Variants in RGMB observed in about 807,000 individuals in gnomAD.
RGMB encodes the protein repulsive guidance molecule B.
Under a neutral mutation model 26.9 loss-of-function variants are expected in RGMB, and 16 were observed. The observed-to-expected ratio is 0.60, with a 90% confidence interval of 0.40 to 0.90. The LOEUF is 0.90. RGMB is among the 40% of genes least tolerant of loss of function. RGMB has a pLI of 0.00. For missense variants in RGMB, 512 were observed against 573.3 expected, an observed-to-expected ratio of 0.89 and a Z score of 1.09; for synonymous variants, 225 against 229.3, an observed-to-expected ratio of 0.98 and a Z score of 0.17.
At chr5:98,776,383 A>G (rs1452310727) in intron 1 of RGMB, among the ~76,000 whole-genome samples, 1 of 152,056 alleles carries the variant, frequency 6.6e-6, no homozygotes, top group Non-Finnish European at 1.5e-5. Flanking sequence ...TATTTTTTTT[A>G]AGCAAACCTC....
At position 98,793,208 on chromosome 5, in the gene RGMB, A is replaced by T. The variant is rs2112380893; in HGVS notation, c.769A>T (p.Ser257Cys). Residue 257 changes from serine (S) to cysteine (C), a missense_variant, in exon 3 of 3, where the codon AGC (serine) becomes TGC (cysteine). Ser to Cys is a moderately radical substitution (Grantham distance 112, BLOSUM62 -1). Coordinates refer to ENST00000513185, the MANE Select transcript of RGMB (RefSeq NM_001366508.1). ...TTSGGDSDAK[S>C]LRIVERESGH... ...CAGTGGTGGGGACAGCGATGCCAAG[A>T]GCCTGCGTATCGTGGAAAGGGAGAG... The T allele has an allele frequency of 6.2e-7, 1 of 1,614,036 alleles. No homozygotes were observed. The highest frequency in any genetic ancestry group is 8.5e-7 in the Non-Finnish European group (1 of 1,179,894).
rs199960380 is a variant in RGMB at position 98,793,376 on chromosome 5, G to C, written c.937G>C (p.Val313Leu). Residue 313 changes from valine (V) to leucine (L), a missense_variant, in exon 3 of 3, where the codon GTG becomes CTG. Val to Leu is a conservative substitution (Grantham distance 32). Coordinates refer to ENST00000513185, the MANE Select transcript of RGMB (RefSeq NM_001366508.1). ...YEESQDLQLC[V>L]NGCPLSERID... ...GGAGAGCCAGGACCTGCAGCTGTGC[G>C]TGAACGGCTGCCCCCTGAGTGAACG... 6.2e-7 allele frequency: 1 copy of C among 1,613,496 alleles called. No homozygotes were observed. Among genetic ancestry groups the C allele is most frequent in the Admixed American group, 1.7e-5 (1 of 59,952 alleles).
intron 2 of RGMB, among the ~76,000 whole-genome samples, chr5:98,782,411 A>T (rs1163156543): frequency 6.6e-6 from 1 of 152,268 alleles, no homozygotes; most frequent in Non-Finnish European, 1.5e-5. Context: ...TTATAAAATA[A>T]GTTCTAAACA....
At chr5:98,769,882 C>T (rs889460919), upstream of RGMB, 4 of 152,734 alleles carry the variant, frequency 2.6e-5, no homozygotes, top group Non-Finnish European at 4.4e-5. Flanking sequence ...GCTCACCCCG[C>T]CCTCCAGCCT....
At chr5:98,772,276 G>A (rs1039030540), upstream of RGMB, among the ~76,000 whole-genome samples, 1 of 152,228 alleles carries the variant, frequency 6.6e-6, no homozygotes, top group Non-Finnish European at 1.5e-5. Context: ...AAAAGTTACA[G>A]TAAAAACAGA....
upstream of RGMB, among the ~76,000 whole-genome samples, chr5:98,771,448 C>A (rs1404315763): frequency 3.3e-5 from 5 of 152,322 alleles, no homozygotes; most frequent in East Asian, 9.6e-4. Flanking sequence ...GCTTTCCAAG[C>A]CAATTCCTGA....
chr5:98,790,445 G>C (rs1746894039), intron 2 of RGMB, among the ~76,000 whole-genome samples: 1 of 152,244 alleles, frequency 6.6e-6, no homozygotes, highest in Admixed American at 6.5e-5. Flanking sequence ...TGTAGGTGTA[G>C]ATACTAGAGC....
chr5:98,793,762 T>C lies in RGMB; in HGVS notation c.*9T>C. On this transcript the variant is annotated 3_prime_UTR_variant, in exon 3 of 3. Transcript: ENST00000513185. Reference sequence around the variant, plus strand: ...TTATCGTGTTTTTGTAGGGGTTGTCTTTTGTTTTGGTTTTTTATTTTTTGT... The same window carrying C: ...TTATCGTGTTTTTGTAGGGGTTGTCCTTTGTTTTGGTTTTTTATTTTTTGT... 6.6e-7 allele frequency: 1 copy of C among 1,515,416 alleles called. No homozygotes were observed. The highest frequency in any genetic ancestry group is 8.8e-7 in the Non-Finnish European group (1 of 1,133,406). 93.9% of individuals were successfully genotyped at this position (1,515,416 alleles called of 1,614,324 possible). A position where few individuals can be genotyped will look rare whatever the true frequency, so the allele number is the denominator to read the frequency against.
At chr5:98,770,801 G>A (rs562849781), upstream of RGMB, 541 of 504,890 alleles carry the variant, frequency 1.1e-3, 2 homozygotes, top group African/African-American at 9.6e-3. Flanking sequence ...CTCTTGCTCT[G>A]AAAAAAAAAA....
upstream of RGMB, chr5:98,771,804 T>A (rs910371858): frequency 6.6e-6 from 1 of 152,010 alleles, no homozygotes; most frequent in Admixed American, 6.6e-5. Context: ...GAGTAAAAAA[T>A]CATAGAAAGT....
chr5:98,791,617 C>A (rs980907422), intron 2 of RGMB, among the ~76,000 whole-genome samples: 10 of 152,158 alleles, frequency 6.6e-5, no homozygotes, highest in African/African-American at 2.4e-4. Context: ...TGTCTACCTT[C>A]CTCCTGACTG....
intron 1 of RGMB, among the ~76,000 whole-genome samples, chr5:98,775,261 T>C (rs1443665338): frequency 3.3e-5 from 5 of 152,150 alleles, no homozygotes; most frequent in Non-Finnish European, 5.9e-5. Flanking sequence ...CAGGGAGGTC[T>C]TTTAAGTAAT....
chr5:98,775,304 A>G (rs1561436931), intron 1 of RGMB, among the ~76,000 whole-genome samples: 1 of 152,176 alleles, frequency 6.6e-6, no homozygotes, highest in Non-Finnish European at 1.5e-5. Context: ...AGGAGACTTA[A>G]TTTACTTTGC....
intron 2 of RGMB, among the ~76,000 whole-genome samples, chr5:98,781,920 T>G (rs1561441578): frequency 6.6e-6 from 1 of 152,234 alleles, no homozygotes; most frequent in Non-Finnish European, 1.5e-5. Context: ...TGTTGTAATT[T>G]TTAGCAAATA....
rs889708760 is a variant in RGMB at position 98,781,410 on chromosome 5, T to C, written c.645+1322T>C. ...ATCTCAAAATAAACTTTTCTCCCTC[T>C]GGTTTTTGTATGTACTCAAATCATT... On this transcript the variant is annotated intron_variant, in intron 2 of 2. Coordinates refer to ENST00000513185, the MANE Select transcript of RGMB (RefSeq NM_001366508.1). Among the ~76,000 whole-genome samples the C allele has an allele frequency of 4.6e-5, 7 of 152,382 alleles. No homozygotes were observed. In the South Asian group the frequency reaches 1.4e-3, roughly 32 times the overall value.
chr5:98,796,184 AG>A lies in RGMB; in HGVS notation c.*2433del, dbSNP rs1215327887. 1 of 152,218 alleles carries A rather than the reference AG, an allele frequency of 6.6e-6. No homozygotes were observed. Among genetic ancestry groups the A allele is most frequent in the East Asian group, 1.9e-4 (1 of 5,198 alleles). 9.4% of individuals were successfully genotyped at this position (152,218 alleles called of 1,614,324 possible). ...TTGAAACCTTAGCTAGAAGAATTTC[AG>A]GTCATACCAACATGTGGATAGGCTA... On this transcript the variant is annotated 3_prime_UTR_variant, in exon 3 of 3. Coordinates refer to ENST00000513185, the MANE Select transcript of RGMB (RefSeq NM_001366508.1).
At position 98,774,129 on chromosome 5, in the gene RGMB, G is replaced by T. The variant is rs1221102768; in HGVS notation, c.59G>T (p.Arg20Leu). The change falls in exon 1 of 3, where the codon CGC becomes CTC. Residue 20 changes from arginine (R) to leucine (L), a missense_variant. Coordinates refer to ENST00000513185, the MANE Select transcript of RGMB (RefSeq NM_001366508.1). ...AAAAAAEVEQ[R>L]RSPGLCPPPL... is the part of the protein sequence containing the mutation. ...GCTGCCGCCGCCGAGGTTGAGCAGC[G>T]CCGCAGCCCCGGGCTCTGCCCCCCG... 6.9e-7 allele frequency: 1 copy of T among 1,455,898 alleles called. No individual in the cohort carries two copies. Among genetic ancestry groups the T allele is most frequent in the Non-Finnish European group, 9.2e-7 (1 of 1,090,094 alleles). 90.2% of individuals were successfully genotyped at this position (1,455,898 alleles called of 1,614,324 possible).
chr5:98,793,831 T>A lies in RGMB; in HGVS notation c.*78T>A. 1 of 1,096,848 alleles carries A rather than the reference T, an allele frequency of 9.1e-7. No homozygotes were observed. The highest frequency in any genetic ancestry group is 1.3e-6 in the Non-Finnish European group (1 of 784,316). 67.9% of individuals were successfully genotyped at this position (1,096,848 alleles called of 1,614,324 possible). On this transcript the variant is annotated 3_prime_UTR_variant, in exon 3 of 3. Coordinates refer to ENST00000513185, the MANE Select transcript of RGMB (RefSeq NM_001366508.1). ...ATATATATTGTCATAATATATTGAGTAAAAGAGTATATATGTATATACCAT... is the reference window on the plus strand; with the variant it reads ...ATATATATTGTCATAATATATTGAGAAAAAGAGTATATATGTATATACCAT...
chr5:98,785,413 G>A (rs893016287), intron 2 of RGMB, among the ~76,000 whole-genome samples: 1 of 152,098 alleles, frequency 6.6e-6, no homozygotes, highest in African/African-American at 2.4e-5. Flanking sequence ...AGTTGGCAGG[G>A]GTGTCAAGAA....
Sources: gnomAD v4.1 joint callset for allele counts (sites outside exome capture counted in the v4.1 genomes callset) on GRCh38, gnomAD v4.1.1 for gene constraint, MANE v1.5 for transcripts, NCBI Gene and HGNC (gene_info 2026-07-23, HGNC 2026-07-21) for gene names.